Variants in PPP3CA observed in about 807,000 individuals in gnomAD.
PPP3CA encodes CAM-PRP catalytic subunit.
PPP3CA carries 14 observed loss-of-function variants against 66.5 expected under a neutral mutation model. The ratio of observed to expected loss-of-function variants is 0.21; its 90% confidence interval spans 0.14 to 0.33. PPP3CA has a LOEUF of 0.33. Among genes scored for constraint, PPP3CA ranks in the 10% least tolerant of loss-of-function variants. The pLI is 1.00. For missense variants in PPP3CA, 317 were observed against 639.5 expected (o/e 0.50, Z 5.44); for synonymous variants, 232 against 226.2 (o/e 1.03, Z -0.23).
chr4:101,308,323 A>G (rs1040217615), intron 1 of PPP3CA, among the ~76,000 whole-genome samples: 1 of 152,258 alleles, frequency 6.6e-6, no homozygotes, highest in African/African-American at 2.4e-5. Context: ...AAAACTGGAA[A>G]GGAGAAACTT....
intron 7 of PPP3CA, among the ~76,000 whole-genome samples, chr4:101,081,288 T>C (rs1729429181): frequency 6.6e-6 from 1 of 152,194 alleles, no homozygotes; most frequent in Non-Finnish European, 1.5e-5. Flanking sequence ...AAATTGAGAC[T>C]GTTTCTATTT....
At chr4:101,144,350 T>G (rs1324695685) in intron 2 of PPP3CA, among the ~76,000 whole-genome samples, 1 of 152,180 alleles carries the variant, frequency 6.6e-6, no homozygotes, top group Admixed American at 6.6e-5. Flanking sequence ...CTCTCCAATC[T>G]CTCTCCTGGC....
intron 1 of PPP3CA, among the ~76,000 whole-genome samples, chr4:101,346,537 T>C (rs1730002315): frequency 6.6e-6 from 1 of 151,092 alleles, no homozygotes; most frequent in Admixed American, 6.6e-5. Flanking sequence ...CAAGTGAGGC[T>C]GGGTGGGACG....
intron 2 of PPP3CA, among the ~76,000 whole-genome samples, chr4:101,157,866 CAAAAA>C (rs770632810): frequency 4.1e-5 from 2 of 48,860 alleles, no homozygotes; most frequent in Non-Finnish European, 8.0e-5. Context: ...CCTTAGGAGG[CAAAAA>C]AAAAAAAAAA....
chr4:101,309,013 G>A lies in PPP3CA; in HGVS notation c.58+37726C>T, dbSNP rs116991124. On this transcript the variant is annotated intron_variant, in intron 1 of 13. Transcript: ENST00000394854. ...ATGGTGGTGTGCGTCTGTGGTCTTA[G>A]CTACTTGCGAGGCTGAGGCAGAAGA... Among the ~76,000 whole-genome samples the A allele has an allele frequency of 2.0e-4, 30 of 152,276 alleles. No homozygotes were observed. The East Asian group carries it at 5.6e-3, about 28-fold the overall frequency.
At chr4:101,122,709 G>A (rs1722068510) in intron 2 of PPP3CA, among the ~76,000 whole-genome samples, 1 of 152,170 alleles carries the variant, frequency 6.6e-6, no homozygotes, top group African/African-American at 2.4e-5. Context: ...GAGAGTATAT[G>A]TGAAACATCT....
At chr4:101,085,376 G>A (rs761541520) in intron 6 of PPP3CA, among the ~76,000 whole-genome samples, 2 of 152,056 alleles carry the variant, frequency 1.3e-5, no homozygotes, top group Non-Finnish European at 2.9e-5. Flanking sequence ...CTATTCTTAA[G>A]AAAGAATAAT....
At chr4:101,174,828 T>C (rs1295969249) in intron 2 of PPP3CA, among the ~76,000 whole-genome samples, 1 of 152,152 alleles carries the variant, frequency 6.6e-6, no homozygotes, top group African/African-American at 2.4e-5. Context: ...CAGACAGCTA[T>C]AAGAGCTTGA....
chr4:101,106,276 G>A (rs1207098116), intron 3 of PPP3CA, among the ~76,000 whole-genome samples: 2 of 151,246 alleles, frequency 1.3e-5, no homozygotes, highest in African/African-American at 2.4e-5. Flanking sequence ...AGCTATGACT[G>A]TGCCACTGCA....
chr4:101,318,114 T>A (rs1167235591), intron 1 of PPP3CA, among the ~76,000 whole-genome samples: 1 of 152,226 alleles, frequency 6.6e-6, no homozygotes, highest in Non-Finnish European at 1.5e-5. Flanking sequence ...AATGATAGCA[T>A]GTTCACATGC....
At chr4:101,223,079 T>A (rs1214162978) in intron 1 of PPP3CA, among the ~76,000 whole-genome samples, 1 of 151,746 alleles carries the variant, frequency 6.6e-6, no homozygotes, top group African/African-American at 2.4e-5. Context: ...CTGTCAAACC[T>A]GTCAAACTAT....
intron 1 of PPP3CA, among the ~76,000 whole-genome samples, chr4:101,219,671 T>C (rs1419145431): frequency 6.6e-6 from 1 of 151,806 alleles, no homozygotes; most frequent in Non-Finnish European, 1.5e-5. Flanking sequence ...ATCCTAAAAG[T>C]AGTCAACACC....
intron 1 of PPP3CA, among the ~76,000 whole-genome samples, chr4:101,264,764 C>T (rs1395356722): frequency 6.6e-6 from 1 of 152,114 alleles, no homozygotes; most frequent in East Asian, 1.9e-4. Flanking sequence ...AGACAACAAA[C>T]TCAAATGCCT....
chr4:101,176,459 G>C (rs1724063137), intron 2 of PPP3CA, among the ~76,000 whole-genome samples: 1 of 152,180 alleles, frequency 6.6e-6, no homozygotes, highest in Admixed American at 6.6e-5. Flanking sequence ...TAGAAGACCA[G>C]AGTTCTGGGC....
intron 10 of PPP3CA, among the ~76,000 whole-genome samples, chr4:101,049,982 G>A (rs1578403579): frequency 1.3e-5 from 2 of 152,072 alleles, no homozygotes; most frequent in Admixed American, 6.6e-5. Context: ...ATTCAGGCAC[G>A]GTGTTTTGTT....
intron 1 of PPP3CA, among the ~76,000 whole-genome samples, chr4:101,286,728 T>C (rs1560698951): frequency 6.6e-6 from 1 of 152,164 alleles, no homozygotes; most frequent in East Asian, 1.9e-4. Flanking sequence ...TTTACACAAA[T>C]GCTATAAAAA....
intron 2 of PPP3CA, among the ~76,000 whole-genome samples, chr4:101,114,024 C>CA (rs1472065367): frequency 2.0e-5 from 3 of 152,248 alleles, no homozygotes; most frequent in East Asian, 3.9e-4. Flanking sequence ...ATGCTTCCCA[C>CA]ATTCTCCTGG....
At chr4:101,278,343 C>T (rs1727577060) in intron 1 of PPP3CA, among the ~76,000 whole-genome samples, 1 of 151,976 alleles carries the variant, frequency 6.6e-6, no homozygotes. Flanking sequence ...TACCCCATTA[C>T]CCCAAATTTT....
At chr4:101,251,079 A>G (rs912875307) in intron 1 of PPP3CA, among the ~76,000 whole-genome samples, 11 of 152,036 alleles carry the variant, frequency 7.2e-5, no homozygotes, top group African/African-American at 2.7e-4. Flanking sequence ...TCATGTTACA[A>G]ATCTTTAATT....
Sources: gnomAD v4.1 joint callset for allele counts (sites outside exome capture counted in the v4.1 genomes callset) on GRCh38, gnomAD v4.1.1 for gene constraint, MANE v1.5 for transcripts, NCBI Gene and HGNC (gene_info 2026-07-23, HGNC 2026-07-21) for gene names.